ZHX2: variants seen among roughly 807,000 people sequenced by gnomAD.
ZHX2 encodes the protein zinc fingers and homeoboxes protein 2.
A neutral mutation model predicts 21.9 loss-of-function variants in ZHX2; 6 were observed. That is an observed-to-expected ratio of 0.27 (90% CI 0.15 to 0.54). The LOEUF (loss-of-function observed/expected upper bound fraction) is 0.54, where lower values mean the gene tolerates loss of function less well. Among genes scored for constraint, ZHX2 ranks in the 20% least tolerant of loss-of-function variants. The probability of loss-of-function intolerance (pLI) is 0.95; values close to 1 mark genes in which losing one functional copy is unlikely to be tolerated. For missense variants in ZHX2, 908 were observed against 1,090.7 expected, an observed-to-expected ratio of 0.83 and a Z score of 2.36; for synonymous variants, 434 against 437.1, an observed-to-expected ratio of 0.99 and a Z score of 0.09.
chr8:122,911,023 A>C (rs1820467146), intron 2 of ZHX2, among the ~76,000 whole-genome samples: 1 of 152,226 alleles, frequency 6.6e-6, no homozygotes. Flanking sequence ...TGGAATAGAA[A>C]ACAATAGGAG....
At chr8:122,850,906 C>T (rs1212671081) in intron 1 of ZHX2, among the ~76,000 whole-genome samples, 1 of 152,172 alleles carries the variant, frequency 6.6e-6, no homozygotes, top group Non-Finnish European at 1.5e-5. Context: ...CACATCCTCA[C>T]CTGCCCCTCT....
intron 2 of ZHX2, among the ~76,000 whole-genome samples, chr8:122,870,728 A>G (rs571925024): frequency 6.6e-6 from 1 of 151,940 alleles, no homozygotes; most frequent in South Asian, 2.1e-4. Context: ...AGTCAAAGAC[A>G]AGGAAGCAGT....
At chr8:122,964,023 A>G (rs1813520341) in intron 3 of ZHX2, among the ~76,000 whole-genome samples, 1 of 152,096 alleles carries the variant, frequency 6.6e-6, no homozygotes, top group Non-Finnish European at 1.5e-5. Flanking sequence ...CACTGAATTC[A>G]TTTATCAGAT....
chr8:122,820,881 C>A (rs1398693123), intron 1 of ZHX2, among the ~76,000 whole-genome samples: 1 of 152,196 alleles, frequency 6.6e-6, no homozygotes, highest in Non-Finnish European at 1.5e-5. Context: ...GCCAGGTGCC[C>A]ACACAGGCCC....
At chr8:122,810,325 A>G (rs1817901538) in intron 1 of ZHX2, 1 of 152,242 alleles carries the variant, frequency 6.6e-6, no homozygotes, top group Non-Finnish European at 1.5e-5. Flanking sequence ...ATTAAATGCA[A>G]CAATGTAGGG....
At chr8:122,807,747 T>G (rs1382856476) in intron 1 of ZHX2, 2 of 152,218 alleles carry the variant, frequency 1.3e-5, no homozygotes, top group Non-Finnish European at 2.9e-5. Context: ...TGTAACCACC[T>G]TCTCGGGTGG....
intron 3 of ZHX2, among the ~76,000 whole-genome samples, chr8:122,970,955 T>C (rs1235264771): frequency 6.6e-6 from 1 of 152,174 alleles, no homozygotes; most frequent in Non-Finnish European, 1.5e-5. Context: ...GGACCCAAAA[T>C]AGGTACAGGG....
intron 1 of ZHX2, among the ~76,000 whole-genome samples, chr8:122,838,293 A>G (rs1228150036): frequency 6.6e-6 from 1 of 152,230 alleles, no homozygotes; most frequent in Non-Finnish European, 1.5e-5. Flanking sequence ...ACCCTGGCGA[A>G]TATTCCTCGT....
intron 1 of ZHX2, chr8:122,816,308 A>G (rs1186685015): frequency 1.3e-5 from 2 of 152,228 alleles, no homozygotes; most frequent in African/African-American, 2.4e-5. Flanking sequence ...CAGTGTAAAC[A>G]TAACTTACTG....
upstream of ZHX2, chr8:122,780,800 T>C (rs2130494520): frequency 6.6e-6 from 1 of 152,362 alleles, no homozygotes; most frequent in African/African-American, 2.4e-5. Flanking sequence ...CGCAGGCGTG[T>C]GCATTTCTTC....
intron 2 of ZHX2, among the ~76,000 whole-genome samples, chr8:122,911,320 G>A (rs146413398): frequency 1.2e-3 from 175 of 152,156 alleles, no homozygotes; most frequent in African/African-American, 4.0e-3. Flanking sequence ...GTGGAGTTGC[G>A]TGGGGCCAGC....
At chr8:122,963,966 G>A (rs531667631) in intron 3 of ZHX2, among the ~76,000 whole-genome samples, 1 of 151,984 alleles carries the variant, frequency 6.6e-6, no homozygotes, top group Non-Finnish European at 1.5e-5. Context: ...TGCTATTGGT[G>A]TATGGTAGTG....
intron 3 of ZHX2, among the ~76,000 whole-genome samples, chr8:122,958,416 C>T (rs1813360799): frequency 6.6e-6 from 1 of 152,188 alleles, no homozygotes; most frequent in African/African-American, 2.4e-5. Flanking sequence ...AAGACATTGT[C>T]AGACATCAGC....
chr8:122,847,838 G>A (rs542658226), intron 1 of ZHX2, among the ~76,000 whole-genome samples: 2 of 152,344 alleles, frequency 1.3e-5, no homozygotes, highest in South Asian at 2.1e-4. Context: ...CTGCAGTCAC[G>A]CCTGAGGAAC....
At chr8:122,927,681 T>C (rs925501057) in intron 2 of ZHX2, among the ~76,000 whole-genome samples, 3 of 152,128 alleles carry the variant, frequency 2.0e-5, no homozygotes, top group Non-Finnish European at 2.9e-5. Context: ...ATGAGACTCA[T>C]TCACTATCAC....
chr8:122,946,948 A>G (rs1240452815), intron 2 of ZHX2, among the ~76,000 whole-genome samples: 1 of 152,038 alleles, frequency 6.6e-6, no homozygotes, highest in East Asian at 1.9e-4. Flanking sequence ...TTCCCAAGAG[A>G]TAGCCTCCCT....
intron 1 of ZHX2, among the ~76,000 whole-genome samples, chr8:122,838,175 A>C (rs1201167358): frequency 6.6e-6 from 1 of 152,236 alleles, no homozygotes; most frequent in South Asian, 2.1e-4. Context: ...CTACAAAAAC[A>C]AATAGCTGTG....
chr8:122,799,510 C>G (rs1212533924), intron 1 of ZHX2, among the ~76,000 whole-genome samples: 2 of 152,136 alleles, frequency 1.3e-5, no homozygotes, highest in South Asian at 4.1e-4. Flanking sequence ...CCAGAGAAGT[C>G]GTCTATTAAA....
chr8:122,971,611 CAAA>C lies in ZHX2; in HGVS notation c.*5-1612_*5-1610del, dbSNP rs56331425. Among the ~76,000 whole-genome samples, 99 of 81,788 alleles carry C rather than the reference CAAA, an allele frequency of 1.2e-3. 1 individual carries two copies. Among genetic ancestry groups the C allele is most frequent in the African/African-American group, 3.6e-3 (77 of 21,470 alleles). The allele number at this position is 81,788 out of a possible 152,430, so 53.7% of individuals were successfully genotyped here. A position where few individuals can be genotyped will look rare whatever the true frequency, so the allele number is the denominator to read the frequency against. On this transcript the variant is annotated intron_variant, in intron 3 of 3. Coordinates refer to ENST00000314393, the MANE Select transcript of ZHX2 (RefSeq NM_014943.5). ...ACTCTCCTTGCTGTTGGCCCCTGTA[CAAA>C]AAAAAAAAAAAAAAAAAATTCCTTC... is the stretch of plus-strand genomic sequence containing the variant.
Sources: gnomAD v4.1 joint callset for allele counts (sites outside exome capture counted in the v4.1 genomes callset) on GRCh38, gnomAD v4.1.1 for gene constraint, MANE v1.5 for transcripts, NCBI Gene and HGNC (gene_info 2026-07-23, HGNC 2026-07-21) for gene names.